Variants in UPF3A observed in about 807,000 individuals in gnomAD.
UPF3A encodes UPF3A regulator of nonsense mediated mRNA decay.
In UPF3A, 42 loss-of-function variants were observed where a neutral mutation model predicts 53.5. The ratio of observed to expected loss-of-function variants is 0.78; its 90% confidence interval spans 0.61 to 1.01. The LOEUF (loss-of-function observed/expected upper bound fraction) is 1.01. Among genes scored for constraint, UPF3A ranks in the 50% least tolerant of loss-of-function variants. UPF3A has a pLI of 0.00. For synonymous variants in UPF3A, 237 were observed against 225.3 expected (o/e 1.05, Z -0.47); for missense variants, 575 against 598.0 (o/e 0.96, Z 0.40).
chr13:114,286,206 GTTACAC>G, intron 3 of UPF3A, 90 bp from the exon 4 acceptor site: 1 of 1,473,888 alleles, frequency 6.8e-7, no homozygotes, highest in Non-Finnish European at 9.3e-7. Context: ...CATTGTCGTT[GTTACAC>G]TTACTCTTTA....
At chr13:114,284,383 A>G (rs1046780786) in intron 3 of UPF3A, among the ~76,000 whole-genome samples, 4 of 150,362 alleles carry the variant, frequency 2.7e-5, no homozygotes, top group African/African-American at 4.9e-5. Context: ...GTGTATGTAT[A>G]TGTGTGTGTG....
At chr13:114,291,202 T>A (rs1035698335) in intron 5 of UPF3A, among the ~76,000 whole-genome samples, 3 of 152,188 alleles carry the variant, frequency 2.0e-5, no homozygotes, top group Non-Finnish European at 2.9e-5. Context: ...TCAAAATAAA[T>A]ATATGTTATT....
intron 8 of UPF3A, among the ~76,000 whole-genome samples, 180 bp from the exon 9 acceptor site, chr13:114,301,551 T>C (rs1308797084): frequency 6.6e-6 from 1 of 152,192 alleles, no homozygotes; most frequent in Non-Finnish European, 1.5e-5. Flanking sequence ...TATGATTTAT[T>C]CCTCTTTGTA....
intron 9 of UPF3A, among the ~76,000 whole-genome samples, chr13:114,303,258 G>T (rs1467782957): frequency 6.6e-6 from 1 of 152,168 alleles, no homozygotes; most frequent in Non-Finnish European, 1.5e-5. Flanking sequence ...ATAGGGCGTT[G>T]CTCATAGGAG....
Position 114,299,025 on chromosome 13 carries a change from C to T in UPF3A, c.1007+25C>T, listed in dbSNP as rs1304186791. ...CGTGAGCGTGCTTTCATTGTTATGACCACGTCAGCTCCCAGTCATGGTGAC... is the reference window on the plus strand; with the variant it reads ...CGTGAGCGTGCTTTCATTGTTATGATCACGTCAGCTCCCAGTCATGGTGAC... On this transcript the variant is annotated intron_variant, in intron 8 of 9. Transcript: ENST00000375299. 7.0e-6 allele frequency: 11 copies of T among 1,568,258 alleles called. No homozygotes were observed. In the East Asian group the frequency reaches 1.6e-4, roughly 23 times the overall value.
rs74116886 is a variant in UPF3A, at chr13:114,299,064, G to A, written c.1007+64G>A. ...AGTCATGGTGACGTAGGCTTTGTCA[G>A]TATGAGTATGCCTATTTCACACTGT... On this transcript the variant is annotated intron_variant, in intron 8 of 9. Transcript: ENST00000375299. 7,638 of 1,468,958 alleles carry A rather than the reference G, an allele frequency of 5.2e-3. 354 individuals are homozygous for A. The African/African-American group carries it at 0.098, about 19-fold the overall frequency. 91.0% of individuals were successfully genotyped at this position (1,468,958 alleles called of 1,614,324 possible). A position where few individuals can be genotyped will look rare whatever the true frequency, so the allele number is the denominator to read the frequency against.
At chr13:114,282,174 C>A in intron 2 of UPF3A, 47 bp downstream of exon 2, 2 of 1,471,136 alleles carry the variant, frequency 1.4e-6, no homozygotes, top group South Asian at 1.3e-5. Flanking sequence ...ACCCAGAGCT[C>A]GGCGGCGGTG....
chr13:114,295,769 C>T (rs1288299121), intron 7 of UPF3A, among the ~76,000 whole-genome samples: 1 of 152,228 alleles, frequency 6.6e-6, no homozygotes, highest in Non-Finnish European at 1.5e-5. Flanking sequence ...GAGGCAGGGG[C>T]ACCTCTTGTC....
chr13:114,291,710 G>A lies in UPF3A; in HGVS notation c.764G>A (p.Arg255Lys), dbSNP rs1460461579. 2 of 1,587,204 alleles carry A rather than the reference G, an allele frequency of 1.3e-6. No individual in the cohort carries two copies. The highest frequency in any genetic ancestry group is 1.7e-6 in the Non-Finnish European group (2 of 1,160,904). The change falls in exon 7 of 10, where the codon AGA (arginine) becomes AAA (lysine). Residue 255 changes from arginine (R) to lysine (K), a missense_variant. Arg to Lys is a conservative substitution (Grantham distance 26). Coordinates refer to ENST00000375299, the MANE Select transcript of UPF3A (RefSeq NM_023011.4). Reference sequence around the variant, plus strand: ...AAACGTTTGCGGGAAGAGGAAAAAAGAAGAAGAAGAGAAGAAGAAAGATGC... The same window carrying A: ...AAACGTTTGCGGGAAGAGGAAAAAAAAAGAAGAAGAGAAGAAGAAAGATGC... The part of the protein sequence containing the change: ...EKKRLREEEK[R>K]RRREEERCKK...
intron 2 of UPF3A, chr13:114,282,603 C>G (rs573312228): frequency 7.1e-6 from 7 of 985,478 alleles, no homozygotes; most frequent in Non-Finnish European, 8.4e-6. Flanking sequence ...AGGGTTTCAG[C>G]CTCGGAGGAC....
chr13:114,282,253 A>G, intron 2 of UPF3A, 126 bp downstream of exon 2: 2 of 887,668 alleles, frequency 2.3e-6, no homozygotes, highest in Non-Finnish European at 1.7e-6. Flanking sequence ...CTTTTTGAAT[A>G]AATACATTTC....
Position 114,301,852 on chromosome 13 carries a change from C to G in UPF3A, c.1129C>G (p.Arg377Gly). Residue 377 changes from arginine to glycine, a missense_variant, in exon 9 of 10, where the codon CGG becomes GGG. Transcript: ENST00000375299. ...RRHRAHHEPE[R>G]LSRRSEDEQR... Reference sequence around the variant, plus strand: ...GCACAGAGCTCACCACGAGCCTGAACGGCTTTCCAGAAGGAGTGAGGATGA... The same window carrying G: ...GCACAGAGCTCACCACGAGCCTGAAGGGCTTTCCAGAAGGAGTGAGGATGA... 2 of 1,613,186 alleles carry G rather than the reference C, an allele frequency of 1.2e-6. No homozygotes were observed. Among genetic ancestry groups the G allele is most frequent in the Non-Finnish European group, 1.7e-6 (2 of 1,179,700 alleles).
At position 114,299,209 on chromosome 13, in the gene UPF3A, G is replaced by C. The variant is rs999876656; in HGVS notation, c.1007+209G>C. ...AGTCTCAAGTCTGTCTTCAGATCGG[G>C]AGTTTCTTCCTGTTGTTTGCTTTGC... is the stretch of plus-strand genomic sequence containing the variant. On this transcript the variant is annotated intron_variant, in intron 8 of 9. Coordinates refer to ENST00000375299, the MANE Select transcript of UPF3A (RefSeq NM_023011.4). 1.3e-5 allele frequency among the ~76,000 whole-genome samples: 2 copies of C among 152,150 alleles called. 1 individual carries two copies. Among genetic ancestry groups the C allele is most frequent in the Non-Finnish European group, 2.9e-5 (2 of 68,042 alleles).
chr13:114,291,364 G>C, intron 5 of UPF3A, 125 bp from the exon 6 acceptor site: 1 of 921,144 alleles, frequency 1.1e-6, no homozygotes, highest in South Asian at 2.3e-5. Context: ...CCTGGAGACA[G>C]TGTGTAAATT....
chr13:114,286,643 A>G lies in UPF3A; in HGVS notation c.631+14A>G. On this transcript the variant is annotated intron_variant, in intron 5 of 9. Coordinates refer to ENST00000375299, the MANE Select transcript of UPF3A (RefSeq NM_023011.4). ...GAGAGCTCATTGGTCTGTTTTGCTC[A>G]TTTCTTCTCTTTTCTTTATTGAGAG... 1 of 1,584,236 alleles carries G rather than the reference A, an allele frequency of 6.3e-7. No individual in the cohort carries two copies. The highest frequency in any genetic ancestry group is 8.6e-7 in the Non-Finnish European group (1 of 1,164,966).
At chr13:114,302,991 T>G (rs1205215032) in intron 9 of UPF3A, among the ~76,000 whole-genome samples, 3 of 152,024 alleles carry the variant, frequency 2.0e-5, no homozygotes, top group Non-Finnish European at 4.4e-5. Context: ...TCCCAGCTAC[T>G]CAGGAGGCTG....
chr13:114,301,293 C>G (rs974109132), intron 8 of UPF3A, among the ~76,000 whole-genome samples: 2 of 151,962 alleles, frequency 1.3e-5, no homozygotes, highest in South Asian at 4.1e-4. Flanking sequence ...AACCCCGTCT[C>G]TACTAAAAAT....
intron 2 of UPF3A, 27 bp from the exon 3 acceptor site, chr13:114,282,810 C>T: frequency 6.3e-7 from 1 of 1,585,540 alleles, no homozygotes; most frequent in Non-Finnish European, 8.6e-7. Context: ...TTTCACTGAC[C>T]ATTTTCACTG....
In UPF3A at chr13:114,305,429, T is replaced by TG. The variant is rs1322959728; in HGVS notation, c.*514dup. ...CGCAAAGCGTGCTGTGTTTTAGTCC[T>TG]GGTAGGAATATTTATCAGAGTTCAC... On this transcript the variant is annotated 3_prime_UTR_variant, in exon 10 of 10. Coordinates refer to ENST00000375299, the MANE Select transcript of UPF3A (RefSeq NM_023011.4). 1 of 201,554 alleles carries TG rather than the reference T, an allele frequency of 5.0e-6. No homozygotes were observed. The highest frequency in any genetic ancestry group is 1.3e-4 in the East Asian group (1 of 7,854). 12.5% of individuals were successfully genotyped at this position (201,554 alleles called of 1,614,324 possible). A position where few individuals can be genotyped will look rare whatever the true frequency, so the allele number is the denominator to read the frequency against.
Sources: allele counts gnomAD v4.1 joint callset (sites outside exome capture counted in the v4.1 genomes callset), GRCh38; gene constraint gnomAD v4.1.1; transcripts MANE v1.5; gene names NCBI Gene and HGNC (gene_info 2026-07-23, HGNC 2026-07-21).